The following DNMBP variants were observed in gnomAD, a reference collection of about 807,000 sequenced individuals.
DNMBP encodes the protein dynamin-binding protein.
A neutral mutation model predicts 150.0 loss-of-function variants in DNMBP; 87 were observed. That is an observed-to-expected ratio of 0.58 (90% CI 0.49 to 0.69). The LOEUF (loss-of-function observed/expected upper bound fraction) is 0.69. DNMBP is among the 30% of genes least tolerant of loss of function. The pLI, the probability that DNMBP is intolerant of heterozygous loss-of-function variation, is 0.00. For missense variants in DNMBP, 1,774 were observed against 1,949.0 expected, an observed-to-expected ratio of 0.91 and a Z score of 1.69; for synonymous variants, 711 against 750.4, an observed-to-expected ratio of 0.95 and a Z score of 0.86.
intron 4 of DNMBP, among the ~76,000 whole-genome samples, chr10:99,953,635 T>C (rs550717318): frequency 9.0e-4 from 136 of 151,928 alleles, no homozygotes; most frequent in Non-Finnish European, 1.6e-3. Context: ...GCCTGGGCAA[T>C]GTGACAAAAC....
intron 4 of DNMBP, among the ~76,000 whole-genome samples, chr10:99,944,121 T>C (rs938614226): frequency 1.3e-5 from 2 of 152,178 alleles, no homozygotes; most frequent in Admixed American, 1.3e-4. Flanking sequence ...GTTCCGGAAC[T>C]GACCCACACC....
Position 99,896,183 on chromosome 10 carries a change from G to A in DNMBP, c.3051+84C>T, listed in dbSNP as rs143877142. ...GAGGACGTCTGAGGAAGGGAACCAC[G>A]CCAATTGACGCCAGGCAGGCTGTCT... On this transcript the variant is annotated intron_variant, in intron 10 of 16. Coordinates refer to ENST00000324109, the MANE Select transcript of DNMBP (RefSeq NM_015221.4). 5.2e-5 allele frequency: 77 copies of A among 1,490,650 alleles called. No homozygotes were observed. In the East Asian group the frequency reaches 7.1e-4, roughly 14 times the overall value. 92.3% of individuals were successfully genotyped at this position (1,490,650 alleles called of 1,614,324 possible). A position where few individuals can be genotyped will look rare whatever the true frequency, so the allele number is the denominator to read the frequency against.
intron 11 of DNMBP, among the ~76,000 whole-genome samples, chr10:99,893,500 C>T (rs374294820): frequency 5.3e-4 from 80 of 152,304 alleles, no homozygotes; most frequent in African/African-American, 1.9e-3. Context: ...CTTTGGAAGA[C>T]CAAGGTGGGT....
At chr10:99,894,044 C>T (rs556485755) in intron 11 of DNMBP, among the ~76,000 whole-genome samples, 3 of 152,222 alleles carry the variant, frequency 2.0e-5, no homozygotes, top group East Asian at 1.9e-4. Flanking sequence ...GACATGGTGG[C>T]TCATGCCTGT....
Position 99,885,709 on chromosome 10 carries a change from G to C in DNMBP, c.3776C>G (p.Ala1259Gly). 1 of 1,576,898 alleles carries C rather than the reference G, an allele frequency of 6.3e-7. No individual in the cohort carries two copies. Among genetic ancestry groups the C allele is most frequent in the Non-Finnish European group, 8.6e-7 (1 of 1,159,112 alleles). ...FERKTIDRQS[A>G]RKPLLGLPSY... ...CACCAGGCCCAGGAGTGGCTTTCGA[G>C]CAGACTGGCGGTCAATGGTTTTCCT... Residue 1259 changes from alanine to glycine, a missense_variant, in exon 14 of 17, where the codon GCT (alanine) becomes GGT (glycine). Around this residue, in one of 2 missense-constraint regions of DNMBP, gnomAD observed 1,430 missense variants for 1,492.5 expected, o/e 0.96. Transcript: ENST00000324109.
Position 99,877,084 on chromosome 10 carries a change from T to A in DNMBP, c.*67A>T. On this transcript the variant is annotated 3_prime_UTR_variant, in exon 17 of 17. Coordinates refer to ENST00000324109, the MANE Select transcript of DNMBP (RefSeq NM_015221.4). Reference sequence around the variant, plus strand: ...GTCTCAGGAGCAGGCGCCCTCTCGGTGGGCCGCCAGAACCCTCGGCGGACT... The same window carrying A: ...GTCTCAGGAGCAGGCGCCCTCTCGGAGGGCCGCCAGAACCCTCGGCGGACT... 4.1e-6 allele frequency: 6 copies of A among 1,456,128 alleles called. No homozygotes were observed. Among genetic ancestry groups the A allele is most frequent in the Non-Finnish European group, 5.6e-6 (6 of 1,076,908 alleles). The allele number at this position is 1,456,128 out of a possible 1,614,324, so 90.2% of individuals were successfully genotyped here.
chr10:99,930,212 A>ATATACC lies in DNMBP; in HGVS notation c.2261-21067_2261-21066insGGTATA, dbSNP rs1163472015. 2.5e-4 allele frequency: 175 copies of ATATACC among 703,010 alleles called. 2 individuals carry two copies. The East Asian group carries it at 4.7e-3, about 19-fold the overall frequency. 43.5% of individuals were successfully genotyped at this position (703,010 alleles called of 1,614,324 possible). On this transcript the variant is annotated intron_variant, in intron 4 of 16. Coordinates refer to ENST00000324109, the MANE Select transcript of DNMBP (RefSeq NM_015221.4). ...CCCAACAATCCTCAAGATTATGGTT[A>ATATACC]ACATTCTCATGGTCTATATACCACA...
intron 6 of DNMBP, among the ~76,000 whole-genome samples, chr10:99,906,589 G>C (rs1282863653): frequency 6.6e-6 from 1 of 152,116 alleles, no homozygotes; most frequent in African/African-American, 2.4e-5. Context: ...CTCTCATTCT[G>C]TCTCTCGCTC....
intron 2 of DNMBP, 55 bp downstream of exon 2, chr10:99,971,925 T>G: frequency 6.4e-7 from 1 of 1,554,252 alleles, no homozygotes; most frequent in Non-Finnish European, 8.7e-7. Context: ...CCAGCCTTTA[T>G]TTTTAATATG....
At chr10:99,958,474 T>A (rs976493790) in intron 3 of DNMBP, 1 of 152,242 alleles carries the variant, frequency 6.6e-6, no homozygotes, top group Non-Finnish European at 1.5e-5. Flanking sequence ...CAGACAACTA[T>A]GTTTATTCAG....
chr10:99,920,393 G>T (rs999481218), intron 4 of DNMBP, among the ~76,000 whole-genome samples: 2 of 151,602 alleles, frequency 1.3e-5, no homozygotes, highest in Admixed American at 1.3e-4. Context: ...CCAATATTTT[G>T]ATGGTAAAAT....
intron 4 of DNMBP, among the ~76,000 whole-genome samples, chr10:99,925,674 C>T (rs983584985): frequency 6.6e-6 from 1 of 152,094 alleles, no homozygotes; most frequent in Non-Finnish European, 1.5e-5. Context: ...CTCGGCCTCC[C>T]AAAGTGCTGG....
In DNMBP at chr10:99,972,049, C is replaced by T; in HGVS notation, c.76G>A (p.Gly26Arg). 1 of 1,614,004 alleles carries T rather than the reference C, an allele frequency of 6.2e-7. No homozygotes were observed. Among genetic ancestry groups the T allele is most frequent in the Non-Finnish European group, 8.5e-7 (1 of 1,180,014 alleles). ...ACTGCCAGCACCTCAATAATATCTC[C>T]CACAAAGAGCGGCAGTTCTTCTGAT... ...SVSEELPLFV[G>R]DIIEVLAVVD... Residue 26 changes from glycine to arginine, a missense_variant, in exon 2 of 17, where the codon GGA becomes AGA. Transcript: ENST00000324109.
chr10:99,972,345 C>CT (rs1265692764), intron 1 of DNMBP, among the ~76,000 whole-genome samples: 1 of 152,212 alleles, frequency 6.6e-6, no homozygotes, highest in Non-Finnish European at 1.5e-5. Context: ...TCATGGCTCA[C>CT]TGTAGCCTCG....
At position 99,964,175 on chromosome 10, in the gene DNMBP, C is replaced by G. The variant is rs2040593901; in HGVS notation, c.268+4940G>C. Among the ~76,000 whole-genome samples, 5 of 120,700 alleles carry G rather than the reference C, an allele frequency of 4.1e-5. No individual in the cohort carries two copies. In the Admixed American group the frequency reaches 5.3e-4, roughly 13 times the overall value. 79.2% of individuals were successfully genotyped at this position (120,700 alleles called of 152,430 possible). A position where few individuals can be genotyped will look rare whatever the true frequency, so the allele number is the denominator to read the frequency against. On this transcript the variant is annotated intron_variant, in intron 3 of 16. Coordinates refer to ENST00000324109, the MANE Select transcript of DNMBP (RefSeq NM_015221.4). ...TTTTTTTTTTGGAGACAGAGACTTGCTCTGTCGCCCAGGCTGCAGTGCAGT... is the reference window on the plus strand; with the variant it reads ...TTTTTTTTTTGGAGACAGAGACTTGGTCTGTCGCCCAGGCTGCAGTGCAGT...
At chr10:99,971,912 G>A in intron 2 of DNMBP, 68 bp downstream of exon 2, 1 of 1,441,546 alleles carries the variant, frequency 6.9e-7, no homozygotes, top group Non-Finnish European at 9.5e-7. Context: ...CTGGAGTGCA[G>A]TGCCAGCCTT....
chr10:100,003,353 AAAACAAAC>A (rs1402935633), intron 1 of DNMBP, among the ~76,000 whole-genome samples: 1 of 152,152 alleles, frequency 6.6e-6, no homozygotes, highest in South Asian at 2.1e-4. Context: ...TTCCAAAAGA[AAAACAAAC>A]AAACAAACAA....
chr10:99,914,046 C>T (rs1057192756), intron 4 of DNMBP: 1 of 1,493,964 alleles, frequency 6.7e-7, no homozygotes, highest in Non-Finnish European at 8.9e-7. Flanking sequence ...TGCTCCACAA[C>T]CCCCCAAACT....
intron 1 of DNMBP, among the ~76,000 whole-genome samples, chr10:99,982,741 C>T (rs1401010673): frequency 2.0e-5 from 3 of 152,018 alleles, no homozygotes; most frequent in African/African-American, 7.3e-5. Flanking sequence ...TCCCTTGGGC[C>T]CAGGAGTTCG....
Sources: gnomAD v4.1 joint callset for allele counts (sites outside exome capture counted in the v4.1 genomes callset) on GRCh38, gnomAD v4.1.1 for gene constraint, gnomAD v4.1.1 regional missense constraint, MANE v1.5 for transcripts, NCBI Gene and HGNC (gene_info 2026-07-23, HGNC 2026-07-21) for gene names.